Variants in PDZD2 observed in about 807,000 individuals in gnomAD.
The protein encoded by PDZD2 is PDZ domain containing 2, also known as PDZ domain-containing protein 2.
Under a neutral mutation model 220.7 loss-of-function variants are expected in PDZD2, and 90 were observed. The ratio of observed to expected loss-of-function variants is 0.41; its 90% CI spans 0.34 to 0.49. PDZD2 has a LOEUF of 0.49. Among genes scored for constraint, PDZD2 ranks in the 20% least tolerant of loss-of-function variants. The pLI is 0.28. For missense variants in PDZD2, 3,174 were observed against 3,608.5 expected, an observed-to-expected ratio of 0.88 and a Z score of 3.08; for synonymous variants, 1,375 against 1,450.5, an observed-to-expected ratio of 0.95 and a Z score of 1.18.
Position 31,799,348 on chromosome 5 carries a change from C to T in PDZD2, c.100C>T (p.Leu34Phe), listed in dbSNP as rs748819915. 8 of 1,614,222 alleles carry T rather than the reference C, an allele frequency of 5.0e-6. No individual in the cohort carries two copies. In the South Asian group the frequency reaches 8.8e-5, roughly 18 times the overall value. The change falls in exon 2 of 25, where the codon CTC (leucine) becomes TTC (phenylalanine). Residue 34 changes from leucine to phenylalanine, a missense_variant. By Grantham distance (22) the Leu-to-Phe change is conservative. Transcript: ENST00000438447. ...QEGGDGPEQRLCQAAIQKLQE... is the reference protein window; with the variant it reads ...QEGGDGPEQRFCQAAIQKLQE... Reference sequence around the variant, plus strand: ...AGGTGGGGATGGGCCGGAGCAGCGGCTCTGCCAGGCGGCCATCCAGAAGCT... The same window carrying T: ...AGGTGGGGATGGGCCGGAGCAGCGGTTCTGCCAGGCGGCCATCCAGAAGCT...
chr5:32,002,806 C>T (rs1308499131), intron 5 of PDZD2, among the ~76,000 whole-genome samples: 2 of 125,870 alleles, frequency 1.6e-5, no homozygotes, highest in African/African-American at 3.1e-5. Context: ...ACCAACACAA[C>T]CACCAACACA....
intron 1 of PDZD2, among the ~76,000 whole-genome samples, chr5:31,762,628 C>G (rs1751721418): frequency 6.6e-6 from 1 of 152,204 alleles, no homozygotes; most frequent in Non-Finnish European, 1.5e-5. Flanking sequence ...CTTGCCTTCC[C>G]TTCAGTGTGA....
At chr5:31,913,195 C>T (rs1446228948) in intron 2 of PDZD2, among the ~76,000 whole-genome samples, 1 of 151,958 alleles carries the variant, frequency 6.6e-6, no homozygotes, top group Non-Finnish European at 1.5e-5. Context: ...ATGGCAAAAC[C>T]CTGGGCGTGG....
chr5:32,040,528 A>AAG (rs1755994687), intron 7 of PDZD2, among the ~76,000 whole-genome samples: 1 of 54,090 alleles, frequency 1.8e-5, no homozygotes, highest in African/African-American at 7.4e-5. Context: ...CGTCTGGGAG[A>AAG]TGAGGAGCGC....
At chr5:32,071,064 T>A (rs754087390) in intron 15 of PDZD2, among the ~76,000 whole-genome samples, 3 of 152,170 alleles carry the variant, frequency 2.0e-5, no homozygotes, top group Non-Finnish European at 4.4e-5. Context: ...ACTCATACAT[T>A]ATATGATGTA....
Position 31,983,572 on chromosome 5 carries a change from T to C in PDZD2, c.894T>C (p.Asp298=), listed in dbSNP as rs374345645. The change falls in exon 3 of 25, where the codon GAT becomes GAC. Residue 298 remains aspartate (D), a synonymous_variant. Transcript: ENST00000438447. ...RGTEHRIPKT[D]APLTTSNDKR... ...CAGAGCATAGAATTCCAAAGACAGA[T>C]GCTCCTCTGACCACAAGCAATGACA... 25 of 1,614,048 alleles carry C rather than the reference T, an allele frequency of 1.5e-5. No homozygotes were observed. Among genetic ancestry groups the C allele is most frequent in the Middle Eastern group, 3.3e-4 (2 of 6,084 alleles).
chr5:31,995,776 C>T lies in PDZD2; in HGVS notation c.1121+58C>T, dbSNP rs551383063. 217 of 1,480,976 alleles carry T rather than the reference C, an allele frequency of 1.5e-4. 4 individuals carry two copies. In the South Asian group the frequency reaches 2.5e-3, roughly 17 times the overall value. 91.7% of individuals were successfully genotyped at this position (1,480,976 alleles called of 1,614,324 possible). On this transcript the variant is annotated intron_variant, in intron 4 of 24. Coordinates refer to ENST00000438447, the MANE Select transcript of PDZD2 (RefSeq NM_178140.4). ...CTCTGCCTCCTCTCCTTCCCTCTCC[C>T]TCCCCACTGGTGCAGGTGCTCTTCC...
At position 31,934,130 on chromosome 5, in the gene PDZD2, A is replaced by G. The variant is rs138816657; in HGVS notation, c.477-49025A>G. ...ACTAATACTGTCAGGAATATTTTAT[A>G]GGCAAATTTTACCTCTTGTTAGGAC... On this transcript the variant is annotated intron_variant, in intron 2 of 24. Coordinates refer to ENST00000438447, the MANE Select transcript of PDZD2 (RefSeq NM_178140.4). 2.9e-3 allele frequency among the ~76,000 whole-genome samples: 446 copies of G among 152,322 alleles called. 1 individual carries two copies. The highest frequency in any genetic ancestry group is 0.01 in the African/African-American group (426 of 41,568).
chr5:32,094,642 CT>C lies in PDZD2; in HGVS notation c.7845+1619del, dbSNP rs539102907. Among the ~76,000 whole-genome samples, 26 of 151,152 alleles carry C rather than the reference CT, an allele frequency of 1.7e-4. No individual in the cohort carries two copies. In the South Asian group the frequency reaches 5.4e-3, roughly 32 times the overall value. On this transcript the variant is annotated intron_variant, in intron 21 of 24. Transcript: ENST00000438447. ...AGACATGCCTTGACAGGAGGATCATCTGAGGCCAGGAGTTCGAGACCAGCCT... is the reference window on the plus strand; with the variant it reads ...AGACATGCCTTGACAGGAGGATCATCGAGGCCAGGAGTTCGAGACCAGCCT...
chr5:31,811,289 G>C (rs1331646343), intron 2 of PDZD2, among the ~76,000 whole-genome samples: 1 of 152,120 alleles, frequency 6.6e-6, no homozygotes, highest in Non-Finnish European at 1.5e-5. Flanking sequence ...TGGCTTTTTT[G>C]ATAACTTGGA....
At chr5:32,042,425 T>C (rs965586013) in intron 7 of PDZD2, among the ~76,000 whole-genome samples, 24 of 148,090 alleles carry the variant, frequency 1.6e-4, no homozygotes, top group African/African-American at 5.3e-4. Context: ...AAAAAAAAAT[T>C]AGTTGGGTGT....
chr5:31,995,523 A>G (rs1751556835), intron 3 of PDZD2, 53 bp from the exon 4 acceptor site: 1 of 1,606,822 alleles, frequency 6.2e-7, no homozygotes. Context: ...CTCCTGTGTC[A>G]ATGCCGTGTG....
chr5:31,762,955 TC>T (rs1200676593), intron 1 of PDZD2, among the ~76,000 whole-genome samples: 1 of 152,030 alleles, frequency 6.6e-6, no homozygotes, highest in Non-Finnish European at 1.5e-5. Context: ...ACCACACACT[TC>T]CCCTCAGCAA....
chr5:31,948,511 C>T (rs1038329714), intron 2 of PDZD2, among the ~76,000 whole-genome samples: 1 of 152,106 alleles, frequency 6.6e-6, no homozygotes, highest in Non-Finnish European at 1.5e-5. Context: ...AATGATAGAG[C>T]TTGAGAACAA....
intron 2 of PDZD2, among the ~76,000 whole-genome samples, chr5:31,918,239 T>C (rs1176157742): frequency 6.6e-6 from 1 of 152,128 alleles, no homozygotes; most frequent in African/African-American, 2.4e-5. Flanking sequence ...AAAATTTACA[T>C]AAGATTTGGG....
chr5:31,920,358 CCCA>C (rs1389505817), intron 2 of PDZD2, among the ~76,000 whole-genome samples: 1 of 143,562 alleles, frequency 7.0e-6, no homozygotes, highest in African/African-American at 2.6e-5. Context: ...ATCTCCTTTT[CCCA>C]CACATGTACA....
intron 10 of PDZD2, among the ~76,000 whole-genome samples, chr5:32,056,194 T>C (rs1009972118): frequency 5.9e-5 from 9 of 152,194 alleles, no homozygotes; most frequent in Non-Finnish European, 1.0e-4. Flanking sequence ...GAGTAATTGG[T>C]TATGCCAGAT....
intron 7 of PDZD2, among the ~76,000 whole-genome samples, chr5:32,042,278 C>G (rs1581358865): frequency 7.4e-6 from 1 of 135,402 alleles, no homozygotes; most frequent in Non-Finnish European, 1.6e-5. Flanking sequence ...AAAAAAACAT[C>G]TGGCCGGGCA....
chr5:31,769,400 A>G (rs1428770547), intron 1 of PDZD2, among the ~76,000 whole-genome samples: 1 of 152,244 alleles, frequency 6.6e-6, no homozygotes. Flanking sequence ...CAGCAGGGAC[A>G]TTTCTAAAGT....
Sources: gnomAD v4.1 joint callset for allele counts (sites outside exome capture counted in the v4.1 genomes callset) on GRCh38, gnomAD v4.1.1 for gene constraint, MANE v1.5 for transcripts, NCBI Gene and HGNC (gene_info 2026-07-23, HGNC 2026-07-21) for gene names.